The following PRKCE variants were observed in gnomAD, a reference collection of about 807,000 sequenced individuals.
PRKCE encodes the protein protein kinase C epsilon type.
A neutral mutation model predicts 85.4 loss-of-function variants in PRKCE; 16 were observed. That is an observed-to-expected ratio of 0.19 (90% CI 0.13 to 0.28). The LOEUF is 0.28. PRKCE is among the 10% of genes least tolerant of loss of function. PRKCE has a pLI of 1.00. For missense variants in PRKCE, 573 were observed against 975.2 expected (o/e 0.59, Z 5.49); for synonymous variants, 388 against 371.5 (o/e 1.04, Z -0.51).
intron 2 of PRKCE, among the ~76,000 whole-genome samples, chr2:45,926,419 C>A (rs75666421): frequency 3.3e-5 from 5 of 151,972 alleles, no homozygotes; most frequent in Admixed American, 6.6e-5. Context: ...TTAGGTGAGT[C>A]CCCCCCATCC....
intron 1 of PRKCE, among the ~76,000 whole-genome samples, chr2:45,812,125 C>G (rs1688695754): frequency 6.6e-6 from 1 of 152,330 alleles, no homozygotes; most frequent in East Asian, 1.9e-4. Context: ...GTCACCCCAC[C>G]TCTCTGAGTA....
intron 1 of PRKCE, among the ~76,000 whole-genome samples, chr2:45,709,202 G>C (rs1435839218): frequency 6.6e-6 from 1 of 152,216 alleles, no homozygotes; most frequent in Non-Finnish European, 1.5e-5. Flanking sequence ...CCAGAGCTTG[G>C]TGGCAGGTGC....
chr2:45,767,106 T>C (rs1029121894), intron 1 of PRKCE, among the ~76,000 whole-genome samples: 3 of 152,212 alleles, frequency 2.0e-5, no homozygotes, highest in African/African-American at 7.2e-5. Flanking sequence ...TGTTCTACTT[T>C]GGTCTTTGCG....
Position 45,931,770 on chromosome 2 carries a change from G to A in PRKCE, c.413-44659G>A, listed in dbSNP as rs188102240. Among the ~76,000 whole-genome samples, 982 of 152,192 alleles carry A rather than the reference G, an allele frequency of 6.5e-3. 3 individuals carry two copies. Among genetic ancestry groups the A allele is most frequent in the Non-Finnish European group, 0.011 (756 of 68,002 alleles). ...CACCCAGGCTGGAGTGCAGTGGCGCGATTTCGGCTCACTGCAGCCTTCGCC... is the reference window on the plus strand; with the variant it reads ...CACCCAGGCTGGAGTGCAGTGGCGCAATTTCGGCTCACTGCAGCCTTCGCC... On this transcript the variant is annotated intron_variant, in intron 2 of 14. Coordinates refer to ENST00000306156, the MANE Select transcript of PRKCE (RefSeq NM_005400.3).
At chr2:45,833,841 A>G (rs1452813421) in intron 1 of PRKCE, among the ~76,000 whole-genome samples, 4 of 152,212 alleles carry the variant, frequency 2.6e-5, no homozygotes, top group Non-Finnish European at 1.5e-5. Context: ...AGGTGGCTAC[A>G]TTTCTGCTAT....
rs774367878 is a variant in PRKCE at position 45,979,060 on chromosome 2, G to T, written c.607+50G>T. 5.1e-6 allele frequency: 8 copies of T among 1,553,594 alleles called. No homozygotes were observed. The Admixed American group carries it at 1.4e-4, about 26-fold the overall frequency. ...CTTCAGAGGCCCGTGGTTAGATCCA[G>T]ATCACTGGCACCCATAGGAGGCAGG... On this transcript the variant is annotated intron_variant, in intron 4 of 14. Coordinates refer to ENST00000306156, the MANE Select transcript of PRKCE (RefSeq NM_005400.3).
intron 1 of PRKCE, among the ~76,000 whole-genome samples, chr2:45,676,424 G>A (rs971051008): frequency 1.2e-4 from 19 of 152,338 alleles, no homozygotes; most frequent in Admixed American, 8.5e-4. Flanking sequence ...AGGATACAGA[G>A]CCTTTTCCTC....
chr2:45,947,569 A>G (rs1012205036), intron 2 of PRKCE, among the ~76,000 whole-genome samples: 16 of 152,216 alleles, frequency 1.1e-4, no homozygotes, highest in Admixed American at 4.6e-4. Flanking sequence ...CCTAATAACA[A>G]TACTAACACA....
chr2:46,134,628 G>A (rs1248925107), intron 11 of PRKCE, among the ~76,000 whole-genome samples: 5 of 152,200 alleles, frequency 3.3e-5, no homozygotes, highest in African/African-American at 7.2e-5. Context: ...AGCTGCCTTC[G>A]CTTCCTGGAT....
intron 1 of PRKCE, among the ~76,000 whole-genome samples, chr2:45,819,086 G>A (rs1411263309): frequency 6.6e-6 from 1 of 152,190 alleles, no homozygotes; most frequent in Non-Finnish European, 1.5e-5. Flanking sequence ...GCAGAGAGGA[G>A]TAGGTATATT....
intron 11 of PRKCE, among the ~76,000 whole-genome samples, chr2:46,105,813 CT>C: frequency 6.6e-6 from 1 of 152,186 alleles, no homozygotes; most frequent in Middle Eastern, 3.2e-3. Flanking sequence ...AATTATTATA[CT>C]AATACAGTAT....
chr2:45,734,280 G>A (rs774775236), intron 1 of PRKCE, among the ~76,000 whole-genome samples: 2 of 151,764 alleles, frequency 1.3e-5, no homozygotes, highest in East Asian at 1.9e-4. Flanking sequence ...CAGGAGAATC[G>A]CTTGAACCTG....
chr2:46,063,018 C>T (rs537203915), intron 10 of PRKCE, among the ~76,000 whole-genome samples: 9 of 152,262 alleles, frequency 5.9e-5, no homozygotes, highest in Admixed American at 2.0e-4. Context: ...TTAGAAATCA[C>T]GAAAGAAAGC....
intron 1 of PRKCE, among the ~76,000 whole-genome samples, chr2:45,745,216 C>T (rs1683041752): frequency 6.6e-6 from 1 of 152,124 alleles, no homozygotes; most frequent in Non-Finnish European, 1.5e-5. Flanking sequence ...TCCCCTCCTT[C>T]CTGCAGCGAC....
intron 1 of PRKCE, among the ~76,000 whole-genome samples, chr2:45,713,445 T>C (rs763021184): frequency 7.2e-5 from 11 of 152,144 alleles, no homozygotes; most frequent in African/African-American, 1.9e-4. Context: ...GTGTTACTGA[T>C]TGGGAGGCTG....
intron 11 of PRKCE, among the ~76,000 whole-genome samples, chr2:46,124,662 A>G (rs950609698): frequency 6.6e-6 from 1 of 152,138 alleles, no homozygotes; most frequent in African/African-American, 2.4e-5. Context: ...GAAAGGGATC[A>G]TATTCTTTGT....
At chr2:45,939,430 C>A (rs2104184503) in intron 2 of PRKCE, among the ~76,000 whole-genome samples, 1 of 152,292 alleles carries the variant, frequency 6.6e-6, no homozygotes, top group South Asian at 2.1e-4. Context: ...ATACCGTATT[C>A]TCCTGTAGAG....
At chr2:45,916,916 C>T (rs531413692) in intron 2 of PRKCE, among the ~76,000 whole-genome samples, 5 of 152,250 alleles carry the variant, frequency 3.3e-5, no homozygotes, top group South Asian at 4.2e-4. Flanking sequence ...GTGGTCTCAC[C>T]GGCTCAGGAG....
intron 11 of PRKCE, among the ~76,000 whole-genome samples, chr2:46,133,490 G>A (rs1189812896): frequency 6.6e-6 from 1 of 152,148 alleles, no homozygotes; most frequent in Admixed American, 6.6e-5. Flanking sequence ...ACTCTAAGTA[G>A]AAACTCAATA....
Sources: allele counts gnomAD v4.1 joint callset (sites outside exome capture counted in the v4.1 genomes callset), GRCh38; gene constraint gnomAD v4.1.1; transcripts MANE v1.5; gene names NCBI Gene and HGNC (gene_info 2026-07-23, HGNC 2026-07-21).